Variants in PAX2 observed in about 807,000 individuals in gnomAD.
PAX2 encodes the protein paired box 2, also known as paired box protein Pax-2.
PAX2 carries 9 observed loss-of-function variants against 41.7 expected under a neutral mutation model. That is an observed-to-expected ratio of 0.22 (90% CI 0.13 to 0.38). The LOEUF (loss-of-function observed/expected upper bound fraction) is 0.38. Among genes scored for constraint, PAX2 ranks in the 10% least tolerant of loss-of-function variants. The pLI, the probability that PAX2 is intolerant of heterozygous loss-of-function variation, is 1.00. For missense variants in PAX2, 418 were observed against 531.6 expected, an observed-to-expected ratio of 0.79 and a Z score of 2.10; for synonymous variants, 221 against 212.7, an observed-to-expected ratio of 1.04 and a Z score of -0.34.
upstream of PAX2, among the ~76,000 whole-genome samples, chr10:100,745,095 G>A (rs1018149363): frequency 4.6e-5 from 7 of 152,144 alleles, no homozygotes; most frequent in African/African-American, 1.2e-4. Flanking sequence ...CCGGGGCCGC[G>A]CGGCCCAGGC....
intron 7 of PAX2, among the ~76,000 whole-genome samples, chr10:100,821,416 G>A (rs1191611857): frequency 9.2e-5 from 14 of 152,226 alleles, no homozygotes; most frequent in Admixed American, 6.5e-4. Context: ...ACACGAGGAA[G>A]CTTGCGTGCT....
chr10:100,803,628 T>A (rs1847647741), intron 5 of PAX2, among the ~76,000 whole-genome samples: 1 of 152,058 alleles, frequency 6.6e-6, no homozygotes, highest in Admixed American at 6.6e-5. Context: ...CTGCCTTCCT[T>A]CTCCTACAGG....
At chr10:100,790,228 G>A (rs1201725102) in intron 5 of PAX2, among the ~76,000 whole-genome samples, 1 of 152,198 alleles carries the variant, frequency 6.6e-6, no homozygotes, top group African/African-American at 2.4e-5. Flanking sequence ...CCTACCAGGA[G>A]AGAATATACA....
At position 100,791,411 on chromosome 10, in the gene PAX2, G is replaced by C. The variant is rs150760970; in HGVS notation, c.616+10046G>C. Among the ~76,000 whole-genome samples, 6 of 152,334 alleles carry C rather than the reference G, an allele frequency of 3.9e-5. No homozygotes were observed. Among genetic ancestry groups the C allele is most frequent in the African/African-American group, 1.4e-4 (6 of 41,572 alleles). ...GTGTGTAAGGTTGGGGTACACACAGGGGCAGCAGTAGAATGTGATCCAGAC... is the reference window on the plus strand; with the variant it reads ...GTGTGTAAGGTTGGGGTACACACAGCGGCAGCAGTAGAATGTGATCCAGAC... On this transcript the variant is annotated intron_variant, in intron 5 of 9. Transcript: ENST00000355243. This position sits in a 1 kb window ranked among gnomAD's most constrained non-coding sequence, Gnocchi z 4.5.
chr10:100,736,001 T>A (rs187089308), intron 1 of PAX2, among the ~76,000 whole-genome samples: 5 of 152,318 alleles, frequency 3.3e-5, no homozygotes, highest in Admixed American at 3.3e-4. Flanking sequence ...TCCTTTCTGT[T>A]GTGTGTTGAG....
intron 7 of PAX2, among the ~76,000 whole-genome samples, chr10:100,817,788 C>T (rs1848240669): frequency 6.6e-6 from 1 of 152,162 alleles, no homozygotes; most frequent in East Asian, 1.9e-4. Flanking sequence ...AACTCAAATC[C>T]TGGGAGGATT....
At chr10:100,793,828 TG>T (rs1589863828) in intron 5 of PAX2, among the ~76,000 whole-genome samples, 1 of 152,156 alleles carries the variant, frequency 6.6e-6, no homozygotes, top group African/African-American at 2.4e-5. Context: ...TGGGCCCAGG[TG>T]CCCAGTGTGT....
intron 6 of PAX2, among the ~76,000 whole-genome samples, chr10:100,808,385 G>A (rs1054384749): frequency 6.6e-6 from 1 of 152,316 alleles, no homozygotes; most frequent in East Asian, 1.9e-4. Flanking sequence ...GAAAGAGCAG[G>A]AAATCAGTTT....
At chr10:100,762,908 G>A (rs1845888672) in intron 3 of PAX2, among the ~76,000 whole-genome samples, 1 of 152,190 alleles carries the variant, frequency 6.6e-6, no homozygotes, top group Non-Finnish European at 1.5e-5. Context: ...TGTCTGTGCT[G>A]GACTCTGGGA....
chr10:100,780,308 C>T (rs1017796866), intron 4 of PAX2, among the ~76,000 whole-genome samples: 1 of 152,200 alleles, frequency 6.6e-6, no homozygotes, highest in African/African-American at 2.4e-5. Flanking sequence ...CCTCTGTCCC[C>T]AACGCACACA....
At chr10:100,787,079 C>A in intron 5 of PAX2, 1 of 900,388 alleles carries the variant, frequency 1.1e-6, no homozygotes, top group Non-Finnish European at 1.7e-6. Context: ...GGTTAGAGAA[C>A]ATTCAGAGAG....
At chr10:100,761,890 G>C (rs1351820556) in intron 3 of PAX2, among the ~76,000 whole-genome samples, 1 of 151,860 alleles carries the variant, frequency 6.6e-6, no homozygotes, top group Non-Finnish European at 1.5e-5. Context: ...AAGAGAAGGA[G>C]AAAAAGGCAA....
At chr10:100,735,759 G>C (rs1353789048) in intron 1 of PAX2, 20 of 1,035,356 alleles carry the variant, frequency 1.9e-5, no homozygotes, top group African/African-American at 3.4e-5. Flanking sequence ...ACCCGTCCGC[G>C]CCGCAGGCGA....
chr10:100,825,767 G>A (rs773477734), intron 8 of PAX2, among the ~76,000 whole-genome samples: 1 of 152,190 alleles, frequency 6.6e-6, no homozygotes, highest in Non-Finnish European at 1.5e-5. Context: ...GGCAAAGAGG[G>A]AGATTGCTGC....
intron 5 of PAX2, 37 bp downstream of exon 5, chr10:100,781,402 A>G (rs772604948): frequency 3.1e-6 from 5 of 1,611,800 alleles, no homozygotes; most frequent in Middle Eastern, 1.7e-4. Context: ...TCCCCTTCAC[A>G]TGCTTTGTCC....
Position 100,826,950 on chromosome 10 carries a change from C to A in PAX2, c.1022-59C>A. 1 of 1,210,506 alleles carries A rather than the reference C, an allele frequency of 8.3e-7. No homozygotes were observed. The highest frequency in any genetic ancestry group is 1.2e-6 in the Non-Finnish European group (1 of 817,582). The allele number at this position is 1,210,506 out of a possible 1,614,324, so 75.0% of individuals were successfully genotyped here. ...GCGGGCGGAGAAGCCACCGGCCGGACTCGTGGGGTCCGCCCTGGCTTGCAG... is the reference window on the plus strand; with the variant it reads ...GCGGGCGGAGAAGCCACCGGCCGGAATCGTGGGGTCCGCCCTGGCTTGCAG... On this transcript the variant is annotated intron_variant, in intron 8 of 9. Coordinates refer to ENST00000355243, the MANE Select transcript of PAX2 (RefSeq NM_000278.5). The surrounding 1 kb of genome is among the most constrained non-coding windows in gnomAD (Gnocchi z 5.5).
chr10:100,771,045 G>T (rs940795125), intron 3 of PAX2, among the ~76,000 whole-genome samples: 1 of 152,162 alleles, frequency 6.6e-6, no homozygotes, highest in African/African-American at 2.4e-5. Flanking sequence ...GATGGGACCC[G>T]GTGATTTGCA....
chr10:100,745,927 G>A lies in PAX2; in HGVS notation c.-334G>A. On this transcript the variant is annotated 5_prime_UTR_variant, in exon 1 of 10. Transcript: ENST00000355243. Reference sequence around the variant, plus strand: ...CTGAGCGAGTCGCCTCCCCCGCCCAGCTTCAGCCCTGGCTGCAGCTGCAGC... The same window carrying A: ...CTGAGCGAGTCGCCTCCCCCGCCCAACTTCAGCCCTGGCTGCAGCTGCAGC... 3 of 1,225,476 alleles carry A rather than the reference G, an allele frequency of 2.4e-6. No individual in the cohort carries two copies. The highest frequency in any genetic ancestry group is 3.1e-6 in the Non-Finnish European group (3 of 981,478). The allele number at this position is 1,225,476 out of a possible 1,614,324, so 75.9% of individuals were successfully genotyped here.
intron 5 of PAX2, among the ~76,000 whole-genome samples, chr10:100,789,590 G>A (rs1847017747): frequency 6.6e-6 from 1 of 152,126 alleles, no homozygotes; most frequent in Non-Finnish European, 1.5e-5. Flanking sequence ...GACTTTAACT[G>A]CATTGGCTCA....
Sources: gnomAD v4.1 joint callset for allele counts (sites outside exome capture counted in the v4.1 genomes callset) on GRCh38, gnomAD v4.1.1 for gene constraint, Gnocchi (gnomAD v3.1) non-coding constraint, MANE v1.5 for transcripts, NCBI Gene and HGNC (gene_info 2026-07-23, HGNC 2026-07-21) for gene names.